The following PACSIN1 variants were observed in gnomAD, a reference collection of about 807,000 sequenced individuals.
PACSIN1 encodes protein kinase C and casein kinase substrate in neurons 1.
Under a neutral mutation model 59.5 loss-of-function variants are expected in PACSIN1, and 15 were observed. That is an observed-to-expected ratio of 0.25 (90% CI 0.17 to 0.39). The LOEUF (loss-of-function observed/expected upper bound fraction) is 0.39. PACSIN1 is among the 10% of genes least tolerant of loss of function. The pLI is 1.00. For synonymous variants in PACSIN1, 210 were observed against 220.6 expected (o/e 0.95, Z 0.42); for missense variants, 420 against 580.2 (o/e 0.72, Z 2.84).
intron 1 of PACSIN1, among the ~76,000 whole-genome samples, chr6:34,491,098 T>C (rs952929119): frequency 6.6e-6 from 1 of 152,134 alleles, no homozygotes; most frequent in African/African-American, 2.4e-5. Context: ...ATTGAACTTC[T>C]TCTGTTTTAC....
chr6:34,485,595 A>G (rs897162990), intron 1 of PACSIN1, among the ~76,000 whole-genome samples: 1 of 152,216 alleles, frequency 6.6e-6, no homozygotes. Flanking sequence ...GGCCTGTCCC[A>G]TATCCAGGTG....
intron 1 of PACSIN1, among the ~76,000 whole-genome samples, chr6:34,498,218 C>T (rs567950572): frequency 1.3e-5 from 2 of 152,182 alleles, no homozygotes; most frequent in East Asian, 1.9e-4. Flanking sequence ...CGCGCCGCCA[C>T]GCCTGGCTAA....
chr6:34,469,205 G>C (rs1459480172), intron 1 of PACSIN1, among the ~76,000 whole-genome samples: 1 of 152,048 alleles, frequency 6.6e-6, no homozygotes, highest in Non-Finnish European at 1.5e-5. Context: ...ATGCTGCTTG[G>C]TTTGGTTTTA....
At position 34,531,530 on chromosome 6, in the gene PACSIN1, G is replaced by T. The variant is rs1767592666; in HGVS notation, c.1038-70G>T. On this transcript the variant is annotated intron_variant, in intron 8 of 9. Transcript: ENST00000244458. The surrounding 1 kb of genome is among the most constrained non-coding windows in gnomAD (Gnocchi z 4.4). ...GAATTCGGGATCAGGGCTCTGATTA[G>T]GAGGAGCGGTTAGCCCTCGGGATGC... 6.7e-7 allele frequency: 1 copy of T among 1,499,856 alleles called. No individual in the cohort carries two copies. Among genetic ancestry groups the T allele is most frequent in the South Asian group, 1.2e-5 (1 of 84,718 alleles). The allele number at this position is 1,499,856 out of a possible 1,614,324, so 92.9% of individuals were successfully genotyped here. A position where few individuals can be genotyped will look rare whatever the true frequency, so the allele number is the denominator to read the frequency against.
chr6:34,522,069 C>T (rs1767403013), intron 1 of PACSIN1, among the ~76,000 whole-genome samples: 1 of 152,208 alleles, frequency 6.6e-6, no homozygotes, highest in Non-Finnish European at 1.5e-5. Flanking sequence ...GGAAGCCCCT[C>T]TCTGTGAGGA....
At chr6:34,517,956 G>C (rs1018896300) in intron 1 of PACSIN1, among the ~76,000 whole-genome samples, 4 of 152,218 alleles carry the variant, frequency 2.6e-5, no homozygotes, top group African/African-American at 7.2e-5. Context: ...TCCCTCGGGG[G>C]CTGGCTCAGC....
rs1581990567 is a variant in PACSIN1, at chr6:34,532,743, C to T, written c.*213C>T. On this transcript the variant is annotated 3_prime_UTR_variant, in exon 10 of 10. Coordinates refer to ENST00000244458, the MANE Select transcript of PACSIN1 (RefSeq NM_020804.5). This position sits in a 1 kb window ranked among gnomAD's most constrained non-coding sequence, Gnocchi z 5.2. ...GGGGTGCTGGGGCTTGGGGTGGCCC[C>T]AGGGTAGGTAACAGTCTTAGGACTT... 12 of 558,260 alleles carry T rather than the reference C, an allele frequency of 2.1e-5. No individual in the cohort carries two copies. The East Asian group carries it at 3.7e-4, about 17-fold the overall frequency. 34.6% of individuals were successfully genotyped at this position (558,260 alleles called of 1,614,324 possible). A position where few individuals can be genotyped will look rare whatever the true frequency, so the allele number is the denominator to read the frequency against.
intron 1 of PACSIN1, among the ~76,000 whole-genome samples, chr6:34,519,379 A>G (rs3843523): frequency 0.87 from 132,091 of 152,122 alleles, 58,338 homozygotes; most frequent in South Asian, 0.97. Context: ...CTCCCTGGGG[A>G]CTGCCTGGAA....
chr6:34,489,389 A>G (rs1477523666), intron 1 of PACSIN1, among the ~76,000 whole-genome samples: 6 of 152,146 alleles, frequency 3.9e-5, no homozygotes, highest in Non-Finnish European at 8.8e-5. Flanking sequence ...GCTCTTGGTC[A>G]GCTGCATCCA....
At chr6:34,519,278 G>A (rs1767346745) in intron 1 of PACSIN1, among the ~76,000 whole-genome samples, 1 of 152,136 alleles carries the variant, frequency 6.6e-6, no homozygotes, top group African/African-American at 2.4e-5. Context: ...CCTTGAGTAA[G>A]GTTTGAGCTC....
At chr6:34,517,535 G>A (rs750306301) in intron 1 of PACSIN1, among the ~76,000 whole-genome samples, 4 of 134,802 alleles carry the variant, frequency 3.0e-5, no homozygotes, top group Non-Finnish European at 4.6e-5. Flanking sequence ...CCTCATCTGC[G>A]CAGGCCACAT....
chr6:34,491,342 C>T (rs961963941), intron 1 of PACSIN1, among the ~76,000 whole-genome samples: 2 of 152,160 alleles, frequency 1.3e-5, no homozygotes, highest in East Asian at 3.9e-4. Context: ...CTCTCCAATT[C>T]GGGAGCTCTT....
chr6:34,499,321 A>G (rs1216035185), intron 1 of PACSIN1, among the ~76,000 whole-genome samples: 1 of 151,564 alleles, frequency 6.6e-6, no homozygotes, highest in African/African-American at 2.4e-5. Context: ...GGCTAAATAC[A>G]AGGTTCCTTG....
intron 1 of PACSIN1, among the ~76,000 whole-genome samples, chr6:34,524,625 G>C (rs1216543564): frequency 6.6e-6 from 1 of 152,202 alleles, no homozygotes; most frequent in Non-Finnish European, 1.5e-5. Flanking sequence ...TATTGACCCA[G>C]CCCTCTGTGG....
rs1250476480 is a variant in PACSIN1, at chr6:34,514,320, C to T, written c.-63-11923C>T. On this transcript the variant is annotated intron_variant, in intron 1 of 9. Transcript: ENST00000244458. The surrounding 1 kb of genome is among the most constrained non-coding windows in gnomAD (Gnocchi z 4.4). ...CCCAGGAACCTTGGACTCTCCAATT[C>T]TTTTACAGCTGTGGCCCTCAGCTTC... 6.6e-6 allele frequency among the ~76,000 whole-genome samples: 1 copy of T among 152,136 alleles called. No homozygotes were observed. Among genetic ancestry groups the T allele is most frequent in the Non-Finnish European group, 1.5e-5 (1 of 68,008 alleles).
At chr6:34,485,421 G>C (rs560531686) in intron 1 of PACSIN1, among the ~76,000 whole-genome samples, 1 of 152,206 alleles carries the variant, frequency 6.6e-6, no homozygotes, top group South Asian at 2.1e-4. Flanking sequence ...ATCTGTGGCC[G>C]ACAGGTGAGA....
chr6:34,510,547 C>T (rs923414279), intron 1 of PACSIN1, among the ~76,000 whole-genome samples: 3 of 152,200 alleles, frequency 2.0e-5, no homozygotes, highest in African/African-American at 7.2e-5. Flanking sequence ...CTTACTCCCA[C>T]CTCTAGGACA....
At chr6:34,473,702 C>T (rs886530206) in intron 1 of PACSIN1, among the ~76,000 whole-genome samples, 1 of 152,180 alleles carries the variant, frequency 6.6e-6, no homozygotes, top group Non-Finnish European at 1.5e-5. Context: ...TCTGTTTCCT[C>T]TTCTGTCTTT....
At chr6:34,492,249 T>C (rs1766888956) in intron 1 of PACSIN1, among the ~76,000 whole-genome samples, 1 of 141,958 alleles carries the variant, frequency 7.0e-6, no homozygotes, top group African/African-American at 2.6e-5. Flanking sequence ...TTGCCCAGGC[T>C]GGAGTGCAGT....
Sources: allele counts gnomAD v4.1 joint callset (sites outside exome capture counted in the v4.1 genomes callset), GRCh38; gene constraint gnomAD v4.1.1; non-coding constraint Gnocchi (gnomAD v3.1); transcripts MANE v1.5; gene names NCBI Gene and HGNC (gene_info 2026-07-23, HGNC 2026-07-21).